AKR1E2: variants seen among roughly 807,000 people sequenced by gnomAD.
AKR1E2 encodes 1,5-anhydro-D-fructose reductase.
Under a neutral mutation model 41.9 loss-of-function variants are expected in AKR1E2, and 43 were observed. That is an observed-to-expected ratio of 1.03 (90% CI 0.80 to 1.32). AKR1E2 has a LOEUF of 1.32. Among genes scored for constraint, AKR1E2 ranks in the 40% most tolerant of loss-of-function variants. The probability of loss-of-function intolerance (pLI) is 0.00; values close to 1 mark genes in which losing one functional copy is unlikely to be tolerated. For synonymous variants in AKR1E2, 121 were observed against 138.9 expected (o/e 0.87, Z 0.91); for missense variants, 423 against 396.5 (o/e 1.07, Z -0.57).
In AKR1E2 at chr10:4,847,779, T is replaced by G; in HGVS notation, c.*249T>G. 2.0e-6 allele frequency: 1 copy of G among 497,434 alleles called. No homozygotes were observed. The highest frequency in any genetic ancestry group is 3.5e-6 in the Non-Finnish European group (1 of 283,864). 30.8% of individuals were successfully genotyped at this position (497,434 alleles called of 1,614,324 possible). A position where few individuals can be genotyped will look rare whatever the true frequency, so the allele number is the denominator to read the frequency against. ...TCTGAACAAATACACTGATGAGTCA[T>G]CAGTGAAATTTGCCTTCACATTTTA... On this transcript the variant is annotated 3_prime_UTR_variant, in exon 10 of 10. Coordinates refer to ENST00000298375, the MANE Select transcript of AKR1E2 (RefSeq NM_001040177.3).
At chr10:4,858,313 A>C in the AKR1E2 span, among the ~76,000 whole-genome samples, 1 of 152,190 alleles carries the variant, frequency 6.6e-6, no homozygotes, top group Non-Finnish European at 1.5e-5. Context: ...AAAAAAAGGA[A>C]AGTTGGGTAC....
intron 9 of AKR1E2, 41 bp from the exon 10 acceptor site, chr10:4,847,447 A>G: frequency 1.2e-6 from 2 of 1,602,390 alleles, no homozygotes; most frequent in Non-Finnish European, 1.7e-6. Flanking sequence ...AAAAATAATC[A>G]TTCTTTGTTC....
chr10:4,867,449 C>T, the AKR1E2 span, among the ~76,000 whole-genome samples: 1 of 152,222 alleles, frequency 6.6e-6, no homozygotes, highest in African/African-American at 2.4e-5. Flanking sequence ...TGTCTTCTGC[C>T]TCTGCTGCCT....
At chr10:4,825,533 G>A (rs540092317), upstream of AKR1E2, among the ~76,000 whole-genome samples, 1 of 152,236 alleles carries the variant, frequency 6.6e-6, no homozygotes, top group Non-Finnish European at 1.5e-5. Flanking sequence ...TGCAGGGCTC[G>A]GCCTCCCCTG....
At chr10:4,830,873 C>T (rs745685845) in intron 2 of AKR1E2, 31 bp downstream of exon 2, 1 of 1,612,856 alleles carries the variant, frequency 6.2e-7, no homozygotes, top group African/African-American at 1.3e-5. Flanking sequence ...GCTGGCAGAG[C>T]TTGGGTAATG....
the AKR1E2 span, among the ~76,000 whole-genome samples, chr10:4,865,792 T>C: frequency 0.22 from 34,159 of 152,058 alleles, 4,060 homozygotes; most frequent in Middle Eastern, 0.35. Flanking sequence ...AGCCTTTAAT[T>C]ACTGAAGCTT....
Position 4,835,625 on chromosome 10 carries a change from T to G in AKR1E2, c.325-50T>G, listed in dbSNP as rs76184294. 67,323 of 1,586,392 alleles carry G rather than the reference T, an allele frequency of 0.042. 1,760 individuals carry two copies. The highest frequency in any genetic ancestry group is 0.12 in the East Asian group (5,417 of 44,322). ...CAGGTCTCCTGACACATGGTTTTTT[T>G]TGTTTTGTTTTGTTTTGTTTTCACA... On this transcript the variant is annotated intron_variant, in intron 3 of 9. Transcript: ENST00000298375.
chr10:4,846,361 G>T (rs7921112), intron 8 of AKR1E2, among the ~76,000 whole-genome samples: 61,118 of 151,944 alleles, frequency 0.4, 14,461 homozygotes, highest in East Asian at 0.68. Flanking sequence ...GGGAGGGAAG[G>T]GCTGAGAAGA....
In AKR1E2 at chr10:4,833,347, T is replaced by A; in HGVS notation, c.208-3T>A. The A allele has an allele frequency of 1.2e-6, 2 of 1,613,196 alleles. No individual in the cohort carries two copies. On this transcript the variant is annotated splice_region_variant and splice_polypyrimidine_tract_variant and intron_variant, in intron 2 of 9. Transcript: ENST00000298375. ...TGTGACGCTGGTCCCCTCTCCTTTGTAGCTGTGGTGCACCTGCCATAAGAA... is the reference window on the plus strand; with the variant it reads ...TGTGACGCTGGTCCCCTCTCCTTTGAAGCTGTGGTGCACCTGCCATAAGAA...
chr10:4,833,550 T>C (rs1833155183), intron 3 of AKR1E2, 84 bp downstream of exon 3: 4 of 1,183,404 alleles, frequency 3.4e-6, no homozygotes, highest in Non-Finnish European at 2.5e-6. Flanking sequence ...GGGGAGAGCA[T>C]GGACCAGCAT....
upstream of AKR1E2, chr10:4,825,090 C>T: frequency 2.2e-6 from 1 of 447,022 alleles, no homozygotes; most frequent in Non-Finnish European, 4.5e-6. Flanking sequence ...TATCGAAGAT[C>T]CCCCTTCCCA....
chr10:4,848,817 T>G (rs776017709), downstream of AKR1E2, among the ~76,000 whole-genome samples: 14 of 152,210 alleles, frequency 9.2e-5, no homozygotes, highest in Middle Eastern at 3.2e-3. Flanking sequence ...TTTCTAGCTC[T>G]GTGATCCTGA....
Position 4,847,895 on chromosome 10 carries a change from A to C in AKR1E2, c.*365A>C. 1.5e-5 allele frequency: 3 copies of C among 202,114 alleles called. No homozygotes were observed. The highest frequency in any genetic ancestry group is 1.2e-4 in the East Asian group (1 of 8,080). 12.5% of individuals were successfully genotyped at this position (202,114 alleles called of 1,614,324 possible). ...TCTGCCCCATTGCGCAGCTCCACCC[A>C]TTGTGCCCCAGGCCAGCCCGCGTCA... On this transcript the variant is annotated 3_prime_UTR_variant, in exon 10 of 10. Coordinates refer to ENST00000298375, the MANE Select transcript of AKR1E2 (RefSeq NM_001040177.3).
chr10:4,841,802 T>C lies in AKR1E2; in HGVS notation c.698T>C (p.Ile233Thr). 6.2e-7 allele frequency: 1 copy of C among 1,612,966 alleles called. No individual in the cohort carries two copies. Among genetic ancestry groups the C allele is most frequent in the Non-Finnish European group, 8.5e-7 (1 of 1,179,444 alleles). Reference protein sequence around the residue: ...LGGSCEGVDLIDNPVIKRIAK... With the variant: ...LGGSCEGVDLTDNPVIKRIAK... ...CTCTCTAGTGAGGGGGTTGACCTGATAGACAACCCTGTGATCAAGAGGATT... is the reference window on the plus strand; with the variant it reads ...CTCTCTAGTGAGGGGGTTGACCTGACAGACAACCCTGTGATCAAGAGGATT... Residue 233 changes from isoleucine (I) to threonine (T), a missense_variant, in exon 7 of 10, where the codon ATA becomes ACA. Transcript: ENST00000298375.
chr10:4,852,644 G>A (rs953851291), downstream of AKR1E2, among the ~76,000 whole-genome samples: 6 of 152,196 alleles, frequency 3.9e-5, no homozygotes, highest in African/African-American at 1.4e-4. Flanking sequence ...TTACGCTGAA[G>A]CAGGTTAGGA....
At chr10:4,859,180 A>G in the AKR1E2 span, among the ~76,000 whole-genome samples, 2 of 152,172 alleles carry the variant, frequency 1.3e-5, no homozygotes, top group Non-Finnish European at 2.9e-5. Context: ...GTCACAATTT[A>G]TTCATTTATT....
At chr10:4,831,334 T>G (rs1251189859) in intron 2 of AKR1E2, among the ~76,000 whole-genome samples, 2 of 152,162 alleles carry the variant, frequency 1.3e-5, no homozygotes, top group African/African-American at 4.8e-5. Context: ...ATTAGTCTGT[T>G]CTCATGCTGC....
intron 3 of AKR1E2, 135 bp downstream of exon 3, chr10:4,833,601 C>T: frequency 2.6e-6 from 2 of 760,796 alleles, no homozygotes; most frequent in South Asian, 1.7e-5. Context: ...CACATGCTAG[C>T]TGCGGCATTT....
chr10:4,835,555 A>G lies in AKR1E2; in HGVS notation c.325-120A>G, dbSNP rs1425586762. 8 of 1,279,378 alleles carry G rather than the reference A, an allele frequency of 6.3e-6. No homozygotes were observed. In the Admixed American group the frequency reaches 1.0e-4, roughly 17 times the overall value. 79.3% of individuals were successfully genotyped at this position (1,279,378 alleles called of 1,614,324 possible). A position where few individuals can be genotyped will look rare whatever the true frequency, so the allele number is the denominator to read the frequency against. Reference sequence around the variant, plus strand: ...AAAGGTGAAGACTGGGCCTGGTCACATGGCCAGGCTGGGGTTGCTTAGTGA... The same window carrying G: ...AAAGGTGAAGACTGGGCCTGGTCACGTGGCCAGGCTGGGGTTGCTTAGTGA... On this transcript the variant is annotated intron_variant, in intron 3 of 9. Coordinates refer to ENST00000298375, the MANE Select transcript of AKR1E2 (RefSeq NM_001040177.3).
Sources: allele counts gnomAD v4.1 joint callset (sites outside exome capture counted in the v4.1 genomes callset), GRCh38; gene constraint gnomAD v4.1.1; transcripts MANE v1.5; gene names NCBI Gene and HGNC (gene_info 2026-07-23, HGNC 2026-07-21).